APBB2: variants seen among roughly 807,000 people sequenced by gnomAD.
APBB2 encodes Fe65-like 1.
APBB2 carries 38 observed loss-of-function variants against 82.5 expected under a neutral mutation model. The observed-to-expected ratio is 0.46, with a 90% CI of 0.36 to 0.60. The LOEUF (loss-of-function observed/expected upper bound fraction) is 0.60. Ranked by LOEUF, APBB2 falls within the 20% of genes least tolerant of loss-of-function variation. The probability of loss-of-function intolerance (pLI) is 0.00; values close to 1 mark genes in which losing one functional copy is unlikely to be tolerated. For synonymous variants in APBB2, 341 were observed against 368.2 expected (o/e 0.93, Z 0.85); for missense variants, 772 against 972.3 (o/e 0.79, Z 2.74).
At chr4:41,018,366 T>A (rs143514386) in intron 5 of APBB2, among the ~76,000 whole-genome samples, 292 of 152,240 alleles carry the variant, frequency 1.9e-3, no homozygotes, top group African/African-American at 6.6e-3. Flanking sequence ...GGTGGGCAGA[T>A]GCAGAGGAAT....
rs1024043478 is a variant in APBB2 at position 41,013,509 on chromosome 4, A to G, written c.835+74T>C. 31 of 1,406,996 alleles carry G rather than the reference A, an allele frequency of 2.2e-5. No homozygotes were observed. In the Admixed American group the frequency reaches 3.3e-4, roughly 15 times the overall value. The allele number at this position is 1,406,996 out of a possible 1,614,324, so 87.2% of individuals were successfully genotyped here. On this transcript the variant is annotated intron_variant, in intron 6 of 17. Coordinates refer to ENST00000508593, the MANE Select transcript of APBB2 (RefSeq NM_004307.2). ...CATAATGGACATTTTTGGTCAGTCT[A>G]GAGATTTACTCCAATAGTTGAAAAG... is the stretch of plus-strand genomic sequence containing the variant.
intron 3 of APBB2, among the ~76,000 whole-genome samples, chr4:41,098,216 C>T (rs1035074143): frequency 6.6e-6 from 1 of 151,840 alleles, no homozygotes; most frequent in Non-Finnish European, 1.5e-5. Context: ...GTCAGGATCT[C>T]ACTCAAGTGT....
intron 5 of APBB2, among the ~76,000 whole-genome samples, chr4:41,027,089 C>T (rs947203512): frequency 6.6e-6 from 1 of 152,030 alleles, no homozygotes; most frequent in Non-Finnish European, 1.5e-5. Context: ...CTATATAAAA[C>T]CTTAGTTTTA....
intron 6 of APBB2, among the ~76,000 whole-genome samples, chr4:40,978,032 T>C (rs551946054): frequency 6.6e-6 from 1 of 152,348 alleles, no homozygotes; most frequent in South Asian, 2.1e-4. Context: ...TTCTCTTTTG[T>C]ACCTACAACA....
At chr4:40,930,566 G>T (rs143555162) in intron 10 of APBB2, among the ~76,000 whole-genome samples, 1 of 152,086 alleles carries the variant, frequency 6.6e-6, no homozygotes, top group Non-Finnish European at 1.5e-5. Flanking sequence ...CCCAGATTCA[G>T]AGTAGTAGCT....
intron 6 of APBB2, among the ~76,000 whole-genome samples, chr4:40,997,018 T>G (rs1803812285): frequency 6.6e-6 from 1 of 152,152 alleles, no homozygotes. Flanking sequence ...GAAACTTACA[T>G]GACCGCTGCA....
rs950574887 is a variant in APBB2 at position 40,815,807 on chromosome 4, G to C, written c.*285C>G. ...GAGGGGTGGGGCCACACTCTTCTCT[G>C]TGTGTGTGTGAAGTTAAGTAATGTT... is the stretch of plus-strand genomic sequence containing the variant. On this transcript the variant is annotated 3_prime_UTR_variant, in exon 18 of 18. Coordinates refer to ENST00000508593, the MANE Select transcript of APBB2 (RefSeq NM_004307.2). 7 of 318,856 alleles carry C rather than the reference G, an allele frequency of 2.2e-5. No individual in the cohort carries two copies. The highest frequency in any genetic ancestry group is 1.3e-4 in the Admixed American group (3 of 23,030). The allele number at this position is 318,856 out of a possible 1,614,324, so 19.8% of individuals were successfully genotyped here.
intron 10 of APBB2, among the ~76,000 whole-genome samples, chr4:40,919,672 C>T (rs368286945): frequency 1.3e-5 from 2 of 152,178 alleles, no homozygotes; most frequent in African/African-American, 4.8e-5. Context: ...TAACTCACCC[C>T]GACTGGCAGG....
chr4:41,165,985 T>A (rs1766459269), intron 1 of APBB2, among the ~76,000 whole-genome samples: 1 of 150,696 alleles, frequency 6.6e-6, no homozygotes, highest in Non-Finnish European at 1.5e-5. Context: ...GCCATTCTCC[T>A]GCCTCAGCCT....
chr4:41,140,797 G>A (rs532782146), intron 2 of APBB2, among the ~76,000 whole-genome samples: 3 of 152,292 alleles, frequency 2.0e-5, no homozygotes, highest in African/African-American at 4.8e-5. Context: ...CACGTGCCAG[G>A]GATCTAGGTT....
At chr4:40,885,278 G>C (rs908382552) in intron 12 of APBB2, among the ~76,000 whole-genome samples, 2 of 152,224 alleles carry the variant, frequency 1.3e-5, no homozygotes, top group African/African-American at 4.8e-5. Flanking sequence ...GAATGTAGAG[G>C]AGGGGTCAGC....
intron 4 of APBB2, among the ~76,000 whole-genome samples, chr4:41,039,881 T>C (rs892783867): frequency 6.6e-5 from 10 of 152,080 alleles, no homozygotes; most frequent in African/African-American, 2.4e-4. Context: ...TGTTGTTATT[T>C]TTTTCTCACC....
At chr4:41,163,417 C>T (rs1017634998) in intron 1 of APBB2, among the ~76,000 whole-genome samples, 1 of 152,100 alleles carries the variant, frequency 6.6e-6, no homozygotes, top group Non-Finnish European at 1.5e-5. Context: ...ACAAGAATGA[C>T]CAAAGAAAGA....
chr4:40,834,011 G>A (rs1030992203), intron 12 of APBB2, among the ~76,000 whole-genome samples: 2 of 152,124 alleles, frequency 1.3e-5, no homozygotes, highest in Non-Finnish European at 2.9e-5. Flanking sequence ...TTCCTCTGGC[G>A]CAGAGCAAGG....
chr4:41,211,211 C>G (rs1006866099), intron 1 of APBB2, among the ~76,000 whole-genome samples: 1 of 151,600 alleles, frequency 6.6e-6, no homozygotes, highest in Non-Finnish European at 1.5e-5. Flanking sequence ...GCCAAGATCG[C>G]GCCACTACAC....
In APBB2 at chr4:40,982,444, AGAAAGAAAGAATGAAT is replaced by A. The variant is rs1460211193; in HGVS notation, c.835+31123_835+31138del. ...AAGAAAGAAAGAAAGAAAGAAAGAA[AGAAAGAAAGAATGAAT>A]GAATTTGAGACCAGAGACCAGCCTG... On this transcript the variant is annotated intron_variant, in intron 6 of 17. Coordinates refer to ENST00000508593, the MANE Select transcript of APBB2 (RefSeq NM_004307.2). 3.6e-3 allele frequency among the ~76,000 whole-genome samples: 508 copies of A among 140,562 alleles called. 56 individuals are homozygous for A. Among genetic ancestry groups the A allele is most frequent in the Middle Eastern group, 0.011 (3 of 272 alleles). 92.2% of individuals were successfully genotyped at this position (140,562 alleles called of 152,430 possible). A position where few individuals can be genotyped will look rare whatever the true frequency, so the allele number is the denominator to read the frequency against.
intron 1 of APBB2, among the ~76,000 whole-genome samples, chr4:41,207,079 G>A (rs1270581889): frequency 6.6e-6 from 1 of 151,320 alleles, no homozygotes; most frequent in Non-Finnish European, 1.5e-5. Flanking sequence ...GGCACCTGTA[G>A]TTCCAACTAC....
intron 6 of APBB2, among the ~76,000 whole-genome samples, chr4:41,011,562 C>G (rs1808384488): frequency 6.6e-6 from 1 of 152,146 alleles, no homozygotes; most frequent in Non-Finnish European, 1.5e-5. Flanking sequence ...TCCCAGGTAG[C>G]TGGGACTACA....
chr4:41,126,904 AT>A (rs1179810552), intron 2 of APBB2, among the ~76,000 whole-genome samples: 2 of 152,156 alleles, frequency 1.3e-5, no homozygotes, highest in Non-Finnish European at 2.9e-5. Context: ...AGATAATTAA[AT>A]TTATCTTAAC....
Sources: allele counts gnomAD v4.1 joint callset (sites outside exome capture counted in the v4.1 genomes callset), GRCh38; gene constraint gnomAD v4.1.1; transcripts MANE v1.5; gene names NCBI Gene and HGNC (gene_info 2026-07-23, HGNC 2026-07-21).